SCN10A: variants seen among roughly 807,000 people sequenced by gnomAD.
The protein encoded by SCN10A is sodium channel protein type 10 subunit alpha.
Under a neutral mutation model 170.7 loss-of-function variants are expected in SCN10A, and 162 were observed. The observed-to-expected ratio is 0.95, with a 90% CI of 0.84 to 1.08. The LOEUF (loss-of-function observed/expected upper bound fraction) is 1.08. Ranked by LOEUF, SCN10A falls within the 50% of genes least tolerant of loss-of-function variation. The pLI is 0.00. For synonymous variants in SCN10A, 985 were observed against 904.6 expected (o/e 1.09, Z -1.59); for missense variants, 2,527 against 2,436.9 (o/e 1.04, Z -0.78).
chr3:38,714,036 T>C lies in SCN10A; in HGVS notation c.3726A>G (p.Glu1242=), dbSNP rs1303128134. The C allele has an allele frequency of 6.2e-7, 1 of 1,614,198 alleles. No homozygotes were observed. The highest frequency in any genetic ancestry group is 1.7e-5 in the Admixed American group (1 of 60,028). ...TTCGAAGGGCTTTGATGGGAGCCACTTCAGAATATTCCAGAATCTTCGCTG... is the reference window on the plus strand; with the variant it reads ...TTCGAAGGGCTTTGATGGGAGCCACCTCAGAATATTCCAGAATCTTCGCTG... ...SLTAKILEYS[E]VAPIKALRTL... The change falls in exon 22 of 28, where the codon GAA becomes GAG. Residue 1242 remains glutamate (E), a synonymous_variant. Transcript: ENST00000449082.
chr3:38,815,412 T>A (rs1417191390), intron 1 of SCN10A, among the ~76,000 whole-genome samples: 1 of 152,230 alleles, frequency 6.6e-6, no homozygotes, highest in Non-Finnish European at 1.5e-5. Flanking sequence ...TCAATAGGCC[T>A]GGAGTGGGGT....
At position 38,760,557 on chromosome 3, in the gene SCN10A, A is replaced by T. The variant is rs770030745; in HGVS notation, c.950+124T>A. The T allele has an allele frequency of 1.0e-5, 8 of 790,914 alleles. No individual in the cohort carries two copies. In the African/African-American group the frequency reaches 1.0e-4, roughly 10 times the overall value. The allele number at this position is 790,914 out of a possible 1,614,324, so 49.0% of individuals were successfully genotyped here. A position where few individuals can be genotyped will look rare whatever the true frequency, so the allele number is the denominator to read the frequency against. ...CATGAGCTCTGGGTTGGCAAAGGCC[A>T]TGATTTATTTATTTATACATCTTTC... On this transcript the variant is annotated intron_variant, in intron 8 of 27. Transcript: ENST00000449082.
intron 15 of SCN10A, among the ~76,000 whole-genome samples, chr3:38,730,931 A>G (rs2063507673): frequency 1.3e-5 from 2 of 152,216 alleles, no homozygotes; most frequent in African/African-American, 4.8e-5. Flanking sequence ...AAAAAATAGA[A>G]TGGCGTGGAG....
At chr3:38,714,367 ATCAACTCTTCCT>A (rs1202207299) in intron 21 of SCN10A, among the ~76,000 whole-genome samples, 1 of 152,228 alleles carries the variant, frequency 6.6e-6, no homozygotes, top group East Asian at 1.9e-4. Context: ...AGTGTATTAA[ATCAACTCTTCCT>A]TTTCCTTCTA....
intron 6 of SCN10A, 141 bp downstream of exon 6, chr3:38,763,364 C>T (rs2063897093): frequency 1.4e-6 from 1 of 707,748 alleles, no homozygotes; most frequent in Non-Finnish European, 2.5e-6. Context: ...GTTTATGTTT[C>T]CTATACTCCA....
At chr3:38,760,979 T>A (rs2063863363) in intron 7 of SCN10A, among the ~76,000 whole-genome samples, 1 of 152,176 alleles carries the variant, frequency 6.6e-6, no homozygotes, top group African/African-American at 2.4e-5. Flanking sequence ...GACTTGCCTC[T>A]AGATTTATGG....
At chr3:38,744,536 ATG>A (rs750492945) in intron 13 of SCN10A, among the ~76,000 whole-genome samples, 37 of 151,722 alleles carry the variant, frequency 2.4e-4, no homozygotes, top group South Asian at 6.3e-4. Flanking sequence ...TTTAGGGTAA[ATG>A]TGCACATTAT....
chr3:38,706,213 G>C (rs2063209711), intron 26 of SCN10A, among the ~76,000 whole-genome samples: 1 of 152,146 alleles, frequency 6.6e-6, no homozygotes, highest in Non-Finnish European at 1.5e-5. Flanking sequence ...ACTTTGTTCT[G>C]ACAAAGTTTG....
chr3:38,726,277 C>T (rs144280576), intron 17 of SCN10A, among the ~76,000 whole-genome samples: 5 of 152,276 alleles, frequency 3.3e-5, no homozygotes, highest in Non-Finnish European at 4.4e-5. Context: ...TCTTGGACAA[C>T]ATCCTGTTCT....
intron 1 of SCN10A, among the ~76,000 whole-genome samples, chr3:38,814,804 C>G (rs1388271667): frequency 6.6e-6 from 1 of 152,132 alleles, no homozygotes. Flanking sequence ...CATTTCAAAC[C>G]AACTTTATGC....
intron 19 of SCN10A, among the ~76,000 whole-genome samples, chr3:38,722,782 G>A (rs1413466423): frequency 1.3e-5 from 2 of 152,214 alleles, no homozygotes; most frequent in Non-Finnish European, 2.9e-5. Flanking sequence ...TGAGGGCCAC[G>A]ACGTGGCTGG....
intron 5 of SCN10A, among the ~76,000 whole-genome samples, chr3:38,765,337 A>C (rs566626931): frequency 6.6e-6 from 1 of 152,180 alleles, no homozygotes; most frequent in Admixed American, 6.5e-5. Flanking sequence ...AATTTTTTAT[A>C]ATTTCAGGTC....
chr3:38,715,075 C>T (rs11924846), intron 21 of SCN10A, among the ~76,000 whole-genome samples: 104,033 of 152,078 alleles, frequency 0.68, 36,864 homozygotes, highest in African/African-American at 0.89. Context: ...GACAAAGAAC[C>T]GGAATGGAAG....
chr3:38,799,711 TCTC>T (rs2064360232), intron 1 of SCN10A, among the ~76,000 whole-genome samples: 1 of 151,490 alleles, frequency 6.6e-6, no homozygotes, highest in African/African-American at 2.4e-5. Flanking sequence ...TACTTTTGCT[TCTC>T]ATATAAAGTT....
Position 38,697,633 on chromosome 3 carries a change from G to T in SCN10A, c.5587C>A (p.Arg1863=), listed in dbSNP as rs370779258. ...ATGGAGCGGTGCAGCACATAGCTCC[G>T]ATAGGCCTTTTGAATGACAGTGGCT... ...ISATVIQKAY[R]SYVLHRSMAL... The change falls in exon 28 of 28, where the codon CGG becomes AGG. Residue 1863 remains arginine (R), a synonymous_variant. Transcript: ENST00000449082. The T allele has an allele frequency of 1.9e-6, 3 of 1,614,170 alleles. No individual in the cohort carries two copies. Among genetic ancestry groups the T allele is most frequent in the Middle Eastern group, 3.3e-4 (2 of 6,062 alleles).
intron 4 of SCN10A, among the ~76,000 whole-genome samples, chr3:38,773,206 C>A (rs150476713): frequency 6.6e-6 from 1 of 152,228 alleles, no homozygotes; most frequent in East Asian, 1.9e-4. Context: ...GTGGTATGTA[C>A]CTGTAGTCCT....
At chr3:38,812,332 G>A (rs1310086603) in intron 1 of SCN10A, among the ~76,000 whole-genome samples, 1 of 152,126 alleles carries the variant, frequency 6.6e-6, no homozygotes, top group East Asian at 1.9e-4. Flanking sequence ...GGCTAACTTA[G>A]TGAAGGTCAT....
intron 6 of SCN10A, among the ~76,000 whole-genome samples, chr3:38,761,767 T>C (rs2063874541): frequency 6.6e-6 from 1 of 151,948 alleles, no homozygotes; most frequent in African/African-American, 2.4e-5. Flanking sequence ...TCTGCATGCA[T>C]CTGGGAGGCA....
chr3:38,800,361 T>A (rs142958017), intron 1 of SCN10A, among the ~76,000 whole-genome samples: 218 of 152,206 alleles, frequency 1.4e-3, no homozygotes, highest in African/African-American at 5.1e-3. Context: ...AGTCAGTAGG[T>A]CTGAGGTGAG....
Sources: gnomAD v4.1 joint callset for allele counts (sites outside exome capture counted in the v4.1 genomes callset) on GRCh38, gnomAD v4.1.1 for gene constraint, MANE v1.5 for transcripts, NCBI Gene and HGNC (gene_info 2026-07-23, HGNC 2026-07-21) for gene names.